RFC3: variants seen among roughly 807,000 people sequenced by gnomAD.
RFC3 encodes the protein A1 38 kDa subunit.
Under a neutral mutation model 45.1 loss-of-function variants are expected in RFC3, and 41 were observed. That is an observed-to-expected ratio of 0.91 (90% CI 0.71 to 1.18). The LOEUF is 1.18. RFC3 is among the 50% of genes most tolerant of loss of function. The pLI is 0.00. For missense variants in RFC3, 423 were observed against 428.1 expected (o/e 0.99, Z 0.10); for synonymous variants, 149 against 144.0 (o/e 1.03, Z -0.25).
chr13:33,851,964 AATG>A (rs1205654982), intron 8 of RFC3, among the ~76,000 whole-genome samples: 2 of 152,206 alleles, frequency 1.3e-5, no homozygotes, highest in Non-Finnish European at 2.9e-5. Context: ...TTTTATAAAA[AATG>A]AATTGACATT....
At chr13:33,972,864 A>G in the RFC3 span, among the ~76,000 whole-genome samples, 1 of 152,210 alleles carries the variant, frequency 6.6e-6, no homozygotes, top group African/African-American at 2.4e-5. Flanking sequence ...TACTTGATAA[A>G]TGTATACATA....
At chr13:33,911,976 T>C (rs1223093938) in intron 8 of RFC3, among the ~76,000 whole-genome samples, 1 of 152,100 alleles carries the variant, frequency 6.6e-6, no homozygotes, top group East Asian at 1.9e-4. Flanking sequence ...CCACTTCTCC[T>C]CATTGCAAAT....
chr13:33,853,362 T>C (rs942204217), intron 8 of RFC3, among the ~76,000 whole-genome samples: 2 of 152,014 alleles, frequency 1.3e-5, no homozygotes, highest in Non-Finnish European at 2.9e-5. Context: ...TGAACTCTTA[T>C]TAGAAAGAAA....
At position 33,818,197 on chromosome 13, in the gene RFC3, A is replaced by G. The variant is rs1377321445; in HGVS notation, c.19A>G (p.Lys7Glu). The G allele has an allele frequency of 1.9e-6, 3 of 1,613,536 alleles. No homozygotes were observed. The highest frequency in any genetic ancestry group is 1.7e-5 in the Admixed American group (1 of 59,970). MSLWVD[K>E]YRPCSLGRLD... ...AGCTGCCATGAGCCTCTGGGTGGACAAGTATCGGCCCTGCTCCTTGGGACG... is the reference window on the plus strand; with the variant it reads ...AGCTGCCATGAGCCTCTGGGTGGACGAGTATCGGCCCTGCTCCTTGGGACG... The change falls in exon 1 of 9, where the codon AAG (lysine) becomes GAG (glutamate). Residue 7 changes from lysine to glutamate, a missense_variant. Transcript: ENST00000380071.
intron 7 of RFC3, among the ~76,000 whole-genome samples, chr13:33,832,160 T>C (rs1046314134): frequency 2.6e-5 from 4 of 152,196 alleles, no homozygotes; most frequent in Non-Finnish European, 4.4e-5. Context: ...AAAATGACAA[T>C]GTTAAGGCCC....
downstream of RFC3, among the ~76,000 whole-genome samples, chr13:33,968,887 C>T (rs6562229): frequency 0.95 from 145,039 of 152,264 alleles, 69,439 homozygotes; most frequent in East Asian, 1. Flanking sequence ...ACAAATTGAC[C>T]GCATGGCAGC....
At chr13:33,947,499 G>C (rs1035774918) in intron 8 of RFC3, among the ~76,000 whole-genome samples, 1 of 152,132 alleles carries the variant, frequency 6.6e-6, no homozygotes, top group Non-Finnish European at 1.5e-5. Flanking sequence ...GTGGGGTGCT[G>C]CTATAATGAT....
Position 33,836,461 on chromosome 13 carries a change from C to G in RFC3, c.*166C>G, listed in dbSNP as rs1205998426. 7.1e-7 allele frequency: 1 copy of G among 1,411,196 alleles called. No homozygotes were observed. The allele number at this position is 1,411,196 out of a possible 1,614,324, so 87.4% of individuals were successfully genotyped here. ...AATCATCCTCTGAGTTAAATAATTG[C>G]TCCTATACTATTGAAGTATGTAGTT... On this transcript the variant is annotated 3_prime_UTR_variant, in exon 9 of 9. Coordinates refer to ENST00000380071, the MANE Select transcript of RFC3 (RefSeq NM_002915.4).
chr13:33,903,309 A>G (rs779079486), intron 8 of RFC3, among the ~76,000 whole-genome samples: 4 of 152,106 alleles, frequency 2.6e-5, no homozygotes, highest in Non-Finnish European at 5.9e-5. Flanking sequence ...CTGAAGGTGA[A>G]TTTGGGTAGA....
At chr13:33,943,899 A>G (rs2137810509) in intron 8 of RFC3, among the ~76,000 whole-genome samples, 1 of 152,274 alleles carries the variant, frequency 6.6e-6, no homozygotes. Flanking sequence ...GCAAGCTTTC[A>G]AGGGGAGGTA....
downstream of RFC3, among the ~76,000 whole-genome samples, chr13:33,970,478 T>C (rs2083105380): frequency 6.6e-6 from 1 of 152,220 alleles, no homozygotes; most frequent in Non-Finnish European, 1.5e-5. Flanking sequence ...CCAAATGGTG[T>C]TTCTGCTTCT....
At chr13:33,879,216 A>C (rs2082466782) in intron 8 of RFC3, among the ~76,000 whole-genome samples, 1 of 152,252 alleles carries the variant, frequency 6.6e-6, no homozygotes, top group Non-Finnish European at 1.5e-5. Flanking sequence ...CATAAATCTC[A>C]GTGACTAGAC....
At chr13:33,970,043 G>T (rs1260824806), downstream of RFC3, among the ~76,000 whole-genome samples, 1 of 151,588 alleles carries the variant, frequency 6.6e-6, no homozygotes, top group Admixed American at 6.6e-5. Context: ...TAGGTATTAA[G>T]CCCAGCATCC....
At chr13:33,961,072 G>A (rs192978982) in intron 8 of RFC3, among the ~76,000 whole-genome samples, 3 of 152,228 alleles carry the variant, frequency 2.0e-5, no homozygotes, top group Admixed American at 2.0e-4. Context: ...ATATTAAATG[G>A]GAGGTATTTA....
chr13:33,836,996 T>A lies in RFC3; in HGVS notation c.*701T>A. On this transcript the variant is annotated 3_prime_UTR_variant, in exon 9 of 9. Transcript: ENST00000380071. Reference sequence around the variant, plus strand: ...TTGAACAGGTTTTGTGTTTTGTCATTAGCTCTGCCCTTTTTAATTAAATAT... The same window carrying A: ...TTGAACAGGTTTTGTGTTTTGTCATAAGCTCTGCCCTTTTTAATTAAATAT... 1.0e-6 allele frequency: 1 copy of A among 984,590 alleles called. No homozygotes were observed. The highest frequency in any genetic ancestry group is 1.2e-6 in the Non-Finnish European group (1 of 829,182). 61.0% of individuals were successfully genotyped at this position (984,590 alleles called of 1,614,324 possible).
At chr13:33,954,779 G>C (rs983041197) in intron 8 of RFC3, among the ~76,000 whole-genome samples, 1 of 152,052 alleles carries the variant, frequency 6.6e-6, no homozygotes, top group African/African-American at 2.4e-5. Context: ...CTCCTCACGA[G>C]GGCTCCATCC....
intron 8 of RFC3, among the ~76,000 whole-genome samples, chr13:33,954,849 G>A (rs1296252672): frequency 6.6e-6 from 1 of 152,172 alleles, no homozygotes; most frequent in Non-Finnish European, 1.5e-5. Context: ...TGGGGATAAA[G>A]GCTTCAACAT....
chr13:33,926,404 G>A (rs991590215), intron 8 of RFC3, among the ~76,000 whole-genome samples: 3 of 151,356 alleles, frequency 2.0e-5, no homozygotes, highest in South Asian at 2.1e-4. Context: ...GCACACATTC[G>A]TCATAACAAA....
chr13:33,976,350 A>C, the RFC3 span, among the ~76,000 whole-genome samples: 8 of 152,160 alleles, frequency 5.3e-5, no homozygotes, highest in Non-Finnish European at 1.2e-4. Context: ...GCACGTTCTC[A>C]TTCATATGTG....
Sources: gnomAD v4.1 joint callset for allele counts (sites outside exome capture counted in the v4.1 genomes callset) on GRCh38, gnomAD v4.1.1 for gene constraint, MANE v1.5 for transcripts, NCBI Gene and HGNC (gene_info 2026-07-23, HGNC 2026-07-21) for gene names.